CFAP61: variants seen among roughly 807,000 people sequenced by gnomAD.
The protein encoded by CFAP61 is cilia- and flagella-associated protein 61.
Under a neutral mutation model 135.6 loss-of-function variants are expected in CFAP61, and 107 were observed. That is an observed-to-expected ratio of 0.79 (90% CI 0.67 to 0.93). CFAP61 has a LOEUF of 0.93. CFAP61 is among the 40% of genes least tolerant of loss of function. CFAP61 has a pLI of 0.00. For missense variants in CFAP61, 1,507 were observed against 1,556.2 expected, an observed-to-expected ratio of 0.97 and a Z score of 0.53; for synonymous variants, 575 against 578.5, an observed-to-expected ratio of 0.99 and a Z score of 0.09.
intron 2 of CFAP61, among the ~76,000 whole-genome samples, chr20:20,057,377 C>G (rs951006201): frequency 2.6e-5 from 4 of 152,114 alleles, no homozygotes; most frequent in African/African-American, 4.8e-5. Context: ...CTAGTGGAGT[C>G]ACTTAAAACA....
At chr20:20,277,485 C>G (rs762861362) in intron 22 of CFAP61, 27 bp downstream of exon 22, 1 of 1,576,990 alleles carries the variant, frequency 6.3e-7, no homozygotes, top group South Asian at 1.2e-5. Flanking sequence ...AAACCTCACT[C>G]ACCAGCCAGG....
At chr20:20,339,458 A>C (rs763259394) in intron 25 of CFAP61, among the ~76,000 whole-genome samples, 4 of 151,758 alleles carry the variant, frequency 2.6e-5, no homozygotes, top group Non-Finnish European at 4.4e-5. Context: ...TAAAACTTTT[A>C]TTTTTATTTT....
At chr20:20,108,434 C>T (rs1314106466) in intron 8 of CFAP61, among the ~76,000 whole-genome samples, 2 of 152,058 alleles carry the variant, frequency 1.3e-5, no homozygotes, top group East Asian at 1.9e-4. Flanking sequence ...GATGGCTAAA[C>T]TTGTGAATAT....
At position 20,290,391 on chromosome 20, in the gene CFAP61, T is replaced by C. The variant is rs770114257; in HGVS notation, c.3216T>C (p.Tyr1072=). The stretch of plus-strand genomic sequence containing the variant: ...AGGTACAAATGGCACAGCCTAATTA[T>C]GTAAGTATTATTTCTGAATTTCATT... ...PLEVQMAQPN[Y]GLELVTGSAK... is the part of the protein sequence containing the mutation. The change falls in exon 24 of 27, where the codon TAT becomes TAC. Residue 1072 remains tyrosine, a splice_region_variant and synonymous_variant. Transcript: ENST00000245957. 2 of 1,575,066 alleles carry C rather than the reference T, an allele frequency of 1.3e-6. No individual in the cohort carries two copies. Among genetic ancestry groups the C allele is most frequent in the Non-Finnish European group, 1.7e-6 (2 of 1,144,646 alleles).
intron 25 of CFAP61, among the ~76,000 whole-genome samples, chr20:20,327,715 G>A (rs1291413273): frequency 1.5e-5 from 2 of 129,642 alleles, no homozygotes; most frequent in African/African-American, 5.8e-5. Context: ...CAATCCTAGA[G>A]AAGGTGATTT....
chr20:20,256,701 G>T (rs2051618798), intron 20 of CFAP61, among the ~76,000 whole-genome samples: 1 of 152,252 alleles, frequency 6.6e-6, no homozygotes, highest in Non-Finnish European at 1.5e-5. Context: ...GGGTCTGATA[G>T]GCATGGAGGC....
rs115064125 is a variant in CFAP61, at chr20:20,083,046, G to A, written c.566+7431G>A. ...ATGAAAAAGATACATGTATACACACGTTTATAGCAGCACAATTTACAATTG... is the reference window on the plus strand; with the variant it reads ...ATGAAAAAGATACATGTATACACACATTTATAGCAGCACAATTTACAATTG... On this transcript the variant is annotated intron_variant, in intron 6 of 26. Transcript: ENST00000245957. Among the ~76,000 whole-genome samples, 819 of 152,242 alleles carry A rather than the reference G, an allele frequency of 5.4e-3. 3 individuals are homozygous for A. Among genetic ancestry groups the A allele is most frequent in the African/African-American group, 0.016 (655 of 41,532 alleles).
chr20:20,163,272 G>T (rs1196498256), intron 10 of CFAP61, among the ~76,000 whole-genome samples: 1 of 152,140 alleles, frequency 6.6e-6, no homozygotes, highest in East Asian at 1.9e-4. Context: ...CTTTTTAGGT[G>T]CACCTAAACC....
At chr20:20,256,248 T>C (rs1438232074) in intron 20 of CFAP61, among the ~76,000 whole-genome samples, 1 of 152,164 alleles carries the variant, frequency 6.6e-6, no homozygotes, top group Non-Finnish European at 1.5e-5. Context: ...GTTAAGAAAG[T>C]AGGTATTTAA....
At chr20:20,215,361 T>C (rs954557736) in intron 17 of CFAP61, 1 of 152,252 alleles carries the variant, frequency 6.6e-6, no homozygotes, top group Admixed American at 6.5e-5. Flanking sequence ...CATAAAGCCT[T>C]CCTCTAATCC....
intron 20 of CFAP61, among the ~76,000 whole-genome samples, chr20:20,252,556 G>GT (rs923885325): frequency 6.6e-6 from 1 of 151,546 alleles, no homozygotes; most frequent in African/African-American, 2.4e-5. Context: ...TTTTTTTGCA[G>GT]TTTTTTTTCT....
chr20:20,074,193 G>A, intron 3 of CFAP61, 109 bp from the exon 4 acceptor site: 2 of 841,102 alleles, frequency 2.4e-6, no homozygotes, highest in South Asian at 2.8e-5. Flanking sequence ...AACCCTAAAT[G>A]CCAGGCTGTT....
In CFAP61 at chr20:20,056,681, A is replaced by G. The variant is rs375159160; in HGVS notation, c.28A>G (p.Lys10Glu). Reference sequence around the variant, plus strand: ...GTCAGTACTCACTTCTCCAAGAGGAAAGGTAGAAGTTGTTCATTGCCGAAG... The same window carrying G: ...GTCAGTACTCACTTCTCCAAGAGGAGAGGTAGAAGTTGTTCATTGCCGAAG... MSVLTSPRGKVEVVHCRRTE... is the reference protein window; with the variant it reads MSVLTSPRGEVEVVHCRRTE... The change falls in exon 2 of 27, where the codon AAG becomes GAG. Residue 10 changes from lysine to glutamate, a missense_variant. Coordinates refer to ENST00000245957, the MANE Select transcript of CFAP61 (RefSeq NM_015585.4). 18 of 1,614,028 alleles carry G rather than the reference A, an allele frequency of 1.1e-5. No homozygotes were observed. Among genetic ancestry groups the G allele is most frequent in the South Asian group, 2.2e-5 (2 of 91,084 alleles).
At chr20:20,099,004 G>C (rs1283799759) in intron 8 of CFAP61, among the ~76,000 whole-genome samples, 190 bp downstream of exon 8, 1 of 152,132 alleles carries the variant, frequency 6.6e-6, no homozygotes, top group Non-Finnish European at 1.5e-5. Context: ...ACAGTGCAGG[G>C]GTGGAGTTAG....
chr20:20,143,643 C>T (rs1253287012), intron 9 of CFAP61, among the ~76,000 whole-genome samples: 3 of 152,182 alleles, frequency 2.0e-5, no homozygotes, highest in African/African-American at 4.8e-5. Context: ...ACAAGCCAAG[C>T]GAATCCTGTG....
chr20:20,056,790 A>G lies in CFAP61; in HGVS notation c.137A>G (p.Tyr46Cys), dbSNP rs775189994. The G allele has an allele frequency of 2.0e-5, 32 of 1,613,938 alleles. No homozygotes were observed. Among genetic ancestry groups the G allele is most frequent in the Middle Eastern group, 1.6e-4 (1 of 6,084 alleles). ...CTGTTTGGGAAGCTAAATATCATCT[A>G]TCTTCTGTAAGTAGATAACTAAGTT... ...CKLFGKLNII[Y>C]LLEKANLAVT... The change falls in exon 2 of 27, where the codon TAT becomes TGT. Residue 46 changes from tyrosine to cysteine, a missense_variant. Coordinates refer to ENST00000245957, the MANE Select transcript of CFAP61 (RefSeq NM_015585.4).
intron 6 of CFAP61, among the ~76,000 whole-genome samples, chr20:20,079,567 G>A (rs765010726): frequency 4.6e-5 from 7 of 152,112 alleles, no homozygotes; most frequent in Non-Finnish European, 8.8e-5. Context: ...ATGTGATCCC[G>A]TTTTTCCTAT....
intron 12 of CFAP61, among the ~76,000 whole-genome samples, chr20:20,167,646 G>A (rs2053933217): frequency 6.6e-6 from 1 of 152,096 alleles, no homozygotes; most frequent in African/African-American, 2.4e-5. Context: ...CCCTCCCAGA[G>A]GAAGCCCACC....
chr20:20,286,035 C>A (rs528360148), intron 22 of CFAP61, among the ~76,000 whole-genome samples: 307 of 132,266 alleles, frequency 2.3e-3, no homozygotes, highest in African/African-American at 8.0e-3. Flanking sequence ...AAAAAAACAC[C>A]TCTAAAATAA....
Sources: gnomAD v4.1 joint callset for allele counts (sites outside exome capture counted in the v4.1 genomes callset) on GRCh38, gnomAD v4.1.1 for gene constraint, MANE v1.5 for transcripts, NCBI Gene and HGNC (gene_info 2026-07-23, HGNC 2026-07-21) for gene names.